The following NAV2 variants were observed in gnomAD, a reference collection of about 807,000 sequenced individuals.
NAV2 encodes neuron navigator 2.
Under a neutral mutation model 223.2 loss-of-function variants are expected in NAV2, and 54 were observed. That is an observed-to-expected ratio of 0.24 (90% CI 0.19 to 0.30). The LOEUF (loss-of-function observed/expected upper bound fraction) is 0.30. NAV2 is among the 10% of genes least tolerant of loss of function. NAV2 has a pLI of 1.00. For synonymous variants in NAV2, 1,279 were observed against 1,239.3 expected (o/e 1.03, Z -0.67); for missense variants, 2,806 against 3,147.5 (o/e 0.89, Z 2.60).
chr11:19,548,799 A>T (rs956284044), intron 1 of NAV2, among the ~76,000 whole-genome samples: 14 of 148,576 alleles, frequency 9.4e-5, no homozygotes. Context: ...AATGGCGTGA[A>T]CCCGGAAGGC....
chr11:20,091,556 C>T (rs1017967753), intron 27 of NAV2, among the ~76,000 whole-genome samples: 15 of 152,322 alleles, frequency 9.8e-5, no homozygotes, highest in South Asian at 2.1e-4. Flanking sequence ...TTTGTTCTTA[C>T]AGCCCCTCCC....
chr11:19,884,403 C>T (rs2063406851), intron 5 of NAV2: 6 of 1,525,298 alleles, frequency 3.9e-6, no homozygotes, highest in Non-Finnish European at 5.5e-6. Context: ...GGTTTAATCC[C>T]AACCCACTGT....
chr11:19,994,488 G>T (rs569267210), intron 11 of NAV2, among the ~76,000 whole-genome samples: 201 of 151,276 alleles, frequency 1.3e-3, no homozygotes, highest in African/African-American at 4.7e-3. Context: ...GGAGGTTGCA[G>T]TGAGCCCAGA....
chr11:19,964,912 C>T (rs373271975), intron 10 of NAV2, among the ~76,000 whole-genome samples: 185 of 148,216 alleles, frequency 1.2e-3, no homozygotes, highest in Admixed American at 1.9e-3. Context: ...CTCTGCCTCC[C>T]GGGTTCAAGC....
intron 22 of NAV2, among the ~76,000 whole-genome samples, chr11:20,070,165 T>C (rs1372553915): frequency 6.6e-6 from 1 of 152,190 alleles, no homozygotes; most frequent in Non-Finnish European, 1.5e-5. Flanking sequence ...CAGTATTCTA[T>C]AGACAGGTTC....
At chr11:19,751,655 C>T (rs1354812460) in intron 1 of NAV2, among the ~76,000 whole-genome samples, 1 of 152,168 alleles carries the variant, frequency 6.6e-6, no homozygotes. Context: ...CCCATCTAAA[C>T]TAGCACCCCA....
chr11:19,591,710 C>T (rs969350868), intron 1 of NAV2, among the ~76,000 whole-genome samples: 5 of 152,134 alleles, frequency 3.3e-5, no homozygotes, highest in African/African-American at 7.2e-5. Context: ...CTATAACCCA[C>T]AAAAAGTAGG....
Position 20,118,708 on chromosome 11 carries a change from G to A in NAV2, c.*450G>A. 1 of 169,154 alleles carries A rather than the reference G, an allele frequency of 5.9e-6. No individual in the cohort carries two copies. Among genetic ancestry groups the A allele is most frequent in the Non-Finnish European group, 1.3e-5 (1 of 79,560 alleles). 10.5% of individuals were successfully genotyped at this position (169,154 alleles called of 1,614,324 possible). On this transcript the variant is annotated 3_prime_UTR_variant, in exon 38 of 38. Coordinates refer to ENST00000349880, the MANE Select transcript of NAV2 (RefSeq NM_145117.5). ...CACAGAGAAGCACGGCTTCCCCTCA[G>A]CACAGACCCTCCAGACTGGGTCTCA...
chr11:19,512,851 A>G (rs895931997), intron 1 of NAV2, among the ~76,000 whole-genome samples: 2 of 152,194 alleles, frequency 1.3e-5, no homozygotes, highest in African/African-American at 4.8e-5. Flanking sequence ...GCAATAACTG[A>G]ATATTTGTGC....
intron 1 of NAV2, among the ~76,000 whole-genome samples, chr11:19,494,283 G>C (rs1185892332): frequency 6.6e-6 from 1 of 152,196 alleles, no homozygotes; most frequent in Non-Finnish European, 1.5e-5. Flanking sequence ...ATTGTCTAGG[G>C]ACTCAGGATC....
intron 3 of NAV2, among the ~76,000 whole-genome samples, chr11:19,859,406 A>G (rs1032532639): frequency 6.7e-6 from 1 of 149,196 alleles, no homozygotes; most frequent in Non-Finnish European, 1.5e-5. Context: ...CCCTTAATCC[A>G]TTTAACCCTG....
chr11:20,013,693 C>T (rs1044316463), intron 11 of NAV2, among the ~76,000 whole-genome samples: 31 of 152,146 alleles, frequency 2.0e-4, no homozygotes, highest in African/African-American at 6.8e-4. Flanking sequence ...ATACAATGCC[C>T]GGTCCCTAGA....
intron 12 of NAV2, among the ~76,000 whole-genome samples, chr11:20,036,594 C>A (rs546109227): frequency 1.3e-5 from 2 of 152,270 alleles, no homozygotes; most frequent in East Asian, 3.9e-4. Context: ...GGTTACATTC[C>A]CCTGCTGACG....
At chr11:19,905,177 C>T (rs1319523072) in intron 6 of NAV2, among the ~76,000 whole-genome samples, 1 of 152,178 alleles carries the variant, frequency 6.6e-6, no homozygotes, top group African/African-American at 2.4e-5. Flanking sequence ...TTTGTGATGA[C>T]CTCTTTTACT....
intron 1 of NAV2, among the ~76,000 whole-genome samples, chr11:19,741,290 C>T (rs1490918375): frequency 6.6e-6 from 1 of 152,092 alleles, no homozygotes; most frequent in African/African-American, 2.4e-5. Flanking sequence ...AAAACCTACT[C>T]TCTTAGAAAA....
chr11:19,914,286 G>T (rs2707100), intron 6 of NAV2, among the ~76,000 whole-genome samples: 31,149 of 152,080 alleles, frequency 0.2, 4,711 homozygotes, highest in East Asian at 0.43. Context: ...TTTGTTGGGA[G>T]AAAGGTGGTG....
intron 1 of NAV2, among the ~76,000 whole-genome samples, chr11:19,732,131 T>C (rs1486758061): frequency 6.6e-6 from 1 of 152,016 alleles, no homozygotes; most frequent in Non-Finnish European, 1.5e-5. Flanking sequence ...CGCGCACTTG[T>C]AGTCAGTCTC....
At chr11:19,783,406 A>G (rs1032718560) in intron 1 of NAV2, among the ~76,000 whole-genome samples, 11 of 151,992 alleles carry the variant, frequency 7.2e-5, no homozygotes, top group South Asian at 4.2e-4. Flanking sequence ...TGATATTCCA[A>G]TTTCACGCTT....
chr11:19,915,710 TCTC>T lies in NAV2; in HGVS notation c.932-17462_932-17460del, dbSNP rs1363437530. 2.6e-5 allele frequency among the ~76,000 whole-genome samples: 4 copies of T among 152,192 alleles called. No individual in the cohort carries two copies. In the East Asian group the frequency reaches 7.7e-4, roughly 29 times the overall value. On this transcript the variant is annotated intron_variant, in intron 6 of 37. Coordinates refer to ENST00000349880, the MANE Select transcript of NAV2 (RefSeq NM_145117.5). The stretch of plus-strand genomic sequence containing the variant: ...TTCTCTGAGTTCTCCTGCACCCTAT[TCTC>T]CTCTCTAGTTGTCCTCCCCAGGTTC...
Sources: allele counts gnomAD v4.1 joint callset (sites outside exome capture counted in the v4.1 genomes callset), GRCh38; gene constraint gnomAD v4.1.1; transcripts MANE v1.5; gene names NCBI Gene and HGNC (gene_info 2026-07-23, HGNC 2026-07-21).